Variants in UST observed in about 807,000 individuals in gnomAD.
UST encodes chondroitin sulfate 2-O-sulfotransferase.
A neutral mutation model predicts 45.6 loss-of-function variants in UST; 21 were observed. The ratio of observed to expected loss-of-function variants is 0.46; its 90% CI spans 0.33 to 0.66. The LOEUF is 0.66. UST is among the 30% of genes least tolerant of loss of function. The probability of loss-of-function intolerance (pLI) is 0.02; values close to 1 mark genes in which losing one functional copy is unlikely to be tolerated. For synonymous variants in UST, 215 were observed against 200.6 expected (o/e 1.07, Z -0.61); for missense variants, 463 against 512.4 (o/e 0.90, Z 0.93).
chr6:148,962,998 A>G (rs147750727), intron 4 of UST, among the ~76,000 whole-genome samples: 7 of 152,334 alleles, frequency 4.6e-5, no homozygotes, highest in Non-Finnish European at 8.8e-5. Context: ...TTTGTTGAGC[A>G]CCTACTGTGT....
chr6:148,894,814 C>CTTTTTTTTTTTT (rs760698349), intron 2 of UST, among the ~76,000 whole-genome samples: 5 of 93,706 alleles, frequency 5.3e-5, no homozygotes, highest in African/African-American at 1.8e-4. Flanking sequence ...AATTTCAGTG[C>CTTTTTTTTTTTT]TTTTTTTTTT....
intron 7 of UST, among the ~76,000 whole-genome samples, chr6:149,062,161 T>C (rs951432389): frequency 6.6e-6 from 1 of 152,218 alleles, no homozygotes; most frequent in African/African-American, 2.4e-5. Flanking sequence ...AAGCGTTCTG[T>C]CACCATAACA....
intron 2 of UST, among the ~76,000 whole-genome samples, chr6:148,932,485 G>A (rs529061279): frequency 6.6e-6 from 1 of 152,256 alleles, no homozygotes; most frequent in East Asian, 1.9e-4. Context: ...GGGTACTGTG[G>A]CATTAAAAGT....
chr6:148,842,451 T>A (rs1467403536), intron 1 of UST, among the ~76,000 whole-genome samples: 1 of 152,202 alleles, frequency 6.6e-6, no homozygotes, highest in Non-Finnish European at 1.5e-5. Flanking sequence ...TTTTAGCTGC[T>A]TGTGTTTCAA....
intron 5 of UST, among the ~76,000 whole-genome samples, chr6:148,970,358 GGT>G (rs2114966989): frequency 6.6e-6 from 1 of 152,276 alleles, no homozygotes; most frequent in South Asian, 2.1e-4. Flanking sequence ...CTCATGTTAG[GGT>G]GTCCGCCCTC....
chr6:148,881,044 A>G (rs2114836019), intron 1 of UST, among the ~76,000 whole-genome samples: 1 of 151,912 alleles, frequency 6.6e-6, no homozygotes, highest in East Asian at 1.9e-4. Context: ...AAAAAAAAAA[A>G]TTAAACCGTT....
chr6:148,786,392 C>A (rs559683232), intron 1 of UST, among the ~76,000 whole-genome samples: 1 of 152,218 alleles, frequency 6.6e-6, no homozygotes, highest in African/African-American at 2.4e-5. Context: ...TCTTCCCACC[C>A]CCTGCCCTCG....
intron 7 of UST, among the ~76,000 whole-genome samples, chr6:149,028,172 C>G (rs1404494665): frequency 2.0e-5 from 3 of 152,162 alleles, no homozygotes; most frequent in African/African-American, 7.2e-5. Flanking sequence ...AGAGCACAGG[C>G]TCTGAGATAG....
chr6:149,023,786 G>A lies in UST; in HGVS notation c.937+2305G>A, dbSNP rs116528083. 4.6e-3 allele frequency among the ~76,000 whole-genome samples: 706 copies of A among 152,258 alleles called. 5 individuals are homozygous for A. The highest frequency in any genetic ancestry group is 0.016 in the African/African-American group (685 of 41,536). On this transcript the variant is annotated intron_variant, in intron 7 of 7. Coordinates refer to ENST00000367463, the MANE Select transcript of UST (RefSeq NM_005715.3). Reference sequence around the variant, plus strand: ...AACCACCTATAAAAAGCTTAGCCCAGAGGACCCACTTAGTGGCTCTTGTCG... The same window carrying A: ...AACCACCTATAAAAAGCTTAGCCCAAAGGACCCACTTAGTGGCTCTTGTCG...
At chr6:148,958,364 G>A (rs1323772445) in intron 4 of UST, among the ~76,000 whole-genome samples, 1 of 152,158 alleles carries the variant, frequency 6.6e-6, no homozygotes, top group African/African-American at 2.4e-5. Context: ...TCTCAGCAGA[G>A]ATCTCAGGCT....
At chr6:148,925,276 G>A (rs1458094241) in intron 2 of UST, among the ~76,000 whole-genome samples, 1 of 152,198 alleles carries the variant, frequency 6.6e-6, no homozygotes, top group Non-Finnish European at 1.5e-5. Context: ...GGTCTGAGGG[G>A]AGCAGATGTT....
intron 5 of UST, among the ~76,000 whole-genome samples, chr6:149,017,845 A>T (rs1200495214): frequency 2.7e-5 from 4 of 147,654 alleles, no homozygotes; most frequent in African/African-American, 1.0e-4. Flanking sequence ...CACATCTGTC[A>T]GTGTCAAACT....
At chr6:148,816,215 C>T (rs1032051415) in intron 1 of UST, among the ~76,000 whole-genome samples, 3 of 152,180 alleles carry the variant, frequency 2.0e-5, no homozygotes, top group South Asian at 2.1e-4. Context: ...TTTTGTAATG[C>T]ACCACAGTCC....
At chr6:149,068,474 C>T (rs1364955872) in intron 7 of UST, among the ~76,000 whole-genome samples, 1 of 152,216 alleles carries the variant, frequency 6.6e-6, no homozygotes, top group East Asian at 1.9e-4. Flanking sequence ...TTAACTGTAG[C>T]TGTTACTATA....
At chr6:149,005,401 A>G (rs910892011) in intron 5 of UST, 4 of 985,378 alleles carry the variant, frequency 4.1e-6, no homozygotes, top group African/African-American at 3.5e-5. Flanking sequence ...AGGAAGTTCA[A>G]GGTGACCTCT....
chr6:148,750,235 T>C (rs2114640640), intron 1 of UST, among the ~76,000 whole-genome samples: 1 of 152,360 alleles, frequency 6.6e-6, no homozygotes, highest in African/African-American at 2.4e-5. Flanking sequence ...TACAATATTC[T>C]ATGTCTGACA....
chr6:148,965,348 G>A (rs1780767867), intron 5 of UST, among the ~76,000 whole-genome samples: 1 of 152,152 alleles, frequency 6.6e-6, no homozygotes, highest in South Asian at 2.1e-4. Flanking sequence ...TGCCCAGGAG[G>A]CTGAAATCCT....
chr6:148,803,093 G>A (rs1266544303), intron 1 of UST, among the ~76,000 whole-genome samples: 1 of 152,074 alleles, frequency 6.6e-6, no homozygotes, highest in African/African-American at 2.4e-5. Context: ...CTGGAGTTCT[G>A]ATTTTAGAGT....
rs140455695 is a variant in UST at position 149,000,343 on chromosome 6, C to T, written c.682-18796C>T. On this transcript the variant is annotated intron_variant, in intron 5 of 7. Coordinates refer to ENST00000367463, the MANE Select transcript of UST (RefSeq NM_005715.3). Reference sequence around the variant, plus strand: ...GCAAATGTGTAATATTCTCATTGCTCTCATAAGATGGGAAGTAAAACTAAG... The same window carrying T: ...GCAAATGTGTAATATTCTCATTGCTTTCATAAGATGGGAAGTAAAACTAAG... Among the ~76,000 whole-genome samples, 284 of 152,286 alleles carry T rather than the reference C, an allele frequency of 1.9e-3. 1 individual carries two copies. Among genetic ancestry groups the T allele is most frequent in the African/African-American group, 6.5e-3 (269 of 41,544 alleles).
Sources: gnomAD v4.1 joint callset for allele counts (sites outside exome capture counted in the v4.1 genomes callset) on GRCh38, gnomAD v4.1.1 for gene constraint, MANE v1.5 for transcripts, NCBI Gene and HGNC (gene_info 2026-07-23, HGNC 2026-07-21) for gene names.